The following ANKRD13C variants were observed in gnomAD, a reference collection of about 807,000 sequenced individuals.
ANKRD13C encodes the protein ankyrin repeat domain-containing protein 13C.
In ANKRD13C, 16 loss-of-function variants were observed where a neutral mutation model predicts 65.5. That is an observed-to-expected ratio of 0.24 (90% CI 0.17 to 0.37). ANKRD13C has a LOEUF of 0.37. Among genes scored for constraint, ANKRD13C ranks in the 10% least tolerant of loss-of-function variants. The pLI, the probability that ANKRD13C is intolerant of heterozygous loss-of-function variation, is 1.00. For missense variants in ANKRD13C, 503 were observed against 655.9 expected, an observed-to-expected ratio of 0.77 and a Z score of 2.55; for synonymous variants, 235 against 238.7, an observed-to-expected ratio of 0.98 and a Z score of 0.14.
intron 9 of ANKRD13C, among the ~76,000 whole-genome samples, chr1:70,278,969 G>A (rs1679261736): frequency 6.6e-6 from 1 of 152,104 alleles, no homozygotes. Flanking sequence ...GGGAGGCCAA[G>A]GCAGGTTGAT....
intron 1 of ANKRD13C, among the ~76,000 whole-genome samples, chr1:70,337,146 A>AACACACACACACAC (rs58715407): frequency 4.1e-5 from 6 of 145,350 alleles, no homozygotes; most frequent in East Asian, 2.0e-4. Flanking sequence ...CCATGATTCA[A>AACACACACACACAC]ACACACACAC....
chr1:70,264,021 G>GA (rs1302221334), intron 12 of ANKRD13C, among the ~76,000 whole-genome samples: 2 of 152,088 alleles, frequency 1.3e-5, no homozygotes, highest in Non-Finnish European at 2.9e-5. Context: ...ATTTCTGGGG[G>GA]AAAAAATTAT....
chr1:70,269,433 T>G (rs1204170288), intron 12 of ANKRD13C, among the ~76,000 whole-genome samples: 1 of 152,202 alleles, frequency 6.6e-6, no homozygotes, highest in Non-Finnish European at 1.5e-5. Context: ...TAACTCCTGT[T>G]CTCTATTCTG....
At position 70,354,522 on chromosome 1, in the gene ANKRD13C, G is replaced by T; in HGVS notation, c.-114C>A. The T allele has an allele frequency of 6.9e-7, 1 of 1,449,164 alleles. No individual in the cohort carries two copies. Among genetic ancestry groups the T allele is most frequent in the Non-Finnish European group, 9.0e-7 (1 of 1,106,528 alleles). 89.8% of individuals were successfully genotyped at this position (1,449,164 alleles called of 1,614,324 possible). The stretch of plus-strand genomic sequence containing the variant: ...TGGCCAAGAGCCTCCAGCGCAGCAT[G>T]AACTCCCACTGAGCCCCCGAGCCTG... On this transcript the variant is annotated 5_prime_UTR_variant, in exon 1 of 13. It introduces an in-frame stop codon into an upstream open reading frame of the 5' UTR. Coordinates refer to ENST00000370944, the MANE Select transcript of ANKRD13C (RefSeq NM_030816.5).
chr1:70,337,839 C>T (rs1682112379), intron 1 of ANKRD13C, among the ~76,000 whole-genome samples: 1 of 152,164 alleles, frequency 6.6e-6, no homozygotes, highest in African/African-American at 2.4e-5. Context: ...GTGGCTCACG[C>T]CTGTAATCCC....
chr1:70,301,848 C>T (rs1261763362), intron 6 of ANKRD13C, among the ~76,000 whole-genome samples: 1 of 152,178 alleles, frequency 6.6e-6, no homozygotes, highest in Non-Finnish European at 1.5e-5. Flanking sequence ...TATAAATCAC[C>T]AGATCAGGAT....
intron 2 of ANKRD13C, among the ~76,000 whole-genome samples, chr1:70,326,155 C>T (rs1311462683): frequency 2.2e-5 from 3 of 137,234 alleles, no homozygotes; most frequent in African/African-American, 8.1e-5. Context: ...CGCTTGAACC[C>T]GGGAGGTGGA....
At chr1:70,268,107 G>A (rs1678713134) in intron 12 of ANKRD13C, among the ~76,000 whole-genome samples, 1 of 152,038 alleles carries the variant, frequency 6.6e-6, no homozygotes, top group African/African-American at 2.4e-5. Context: ...CAACTGAGAG[G>A]AAAAATGCAG....
intron 9 of ANKRD13C, among the ~76,000 whole-genome samples, chr1:70,280,665 T>A (rs1679348510): frequency 6.6e-6 from 1 of 152,196 alleles, no homozygotes; most frequent in African/African-American, 2.4e-5. Flanking sequence ...CTCTTTTGCC[T>A]CAGTTCTGTC....
chr1:70,308,506 G>C (rs574031373), intron 5 of ANKRD13C, among the ~76,000 whole-genome samples: 1 of 151,766 alleles, frequency 6.6e-6, no homozygotes, highest in African/African-American at 2.4e-5. Flanking sequence ...TTGGGAGGCC[G>C]AGGCGGGCAG....
chr1:70,333,193 A>G (rs909891920), intron 2 of ANKRD13C, among the ~76,000 whole-genome samples: 2 of 152,208 alleles, frequency 1.3e-5, no homozygotes, highest in African/African-American at 4.8e-5. Context: ...GGAGATAATA[A>G]TAGTACTTCA....
intron 1 of ANKRD13C, among the ~76,000 whole-genome samples, chr1:70,345,829 C>T (rs1682505653): frequency 6.6e-6 from 1 of 152,108 alleles, no homozygotes; most frequent in African/African-American, 2.4e-5. Flanking sequence ...AGGTTTACTT[C>T]ATTATTTTCC....
chr1:70,349,742 C>T (rs771856152), intron 1 of ANKRD13C, among the ~76,000 whole-genome samples: 10 of 152,104 alleles, frequency 6.6e-5, no homozygotes, highest in Admixed American at 1.3e-4. Context: ...AATGTAATAG[C>T]TCTAAAGTCC....
intron 11 of ANKRD13C, among the ~76,000 whole-genome samples, chr1:70,272,316 C>A (rs889054168): frequency 4.6e-5 from 7 of 151,820 alleles, no homozygotes; most frequent in Non-Finnish European, 1.0e-4. Flanking sequence ...AACTCCGCCT[C>A]CCGGGTTCAA....
At chr1:70,307,111 A>G (rs1368536638) in intron 5 of ANKRD13C, among the ~76,000 whole-genome samples, 6 of 152,226 alleles carry the variant, frequency 3.9e-5, no homozygotes, top group Non-Finnish European at 5.9e-5. Flanking sequence ...ATATCTTACA[A>G]AATTTAGTGT....
chr1:70,330,961 T>C (rs1387818855), intron 2 of ANKRD13C, among the ~76,000 whole-genome samples: 1 of 152,198 alleles, frequency 6.6e-6, no homozygotes, highest in Non-Finnish European at 1.5e-5. Flanking sequence ...GTGACATTAC[T>C]AATATTAGTC....
In ANKRD13C at chr1:70,274,703, G is replaced by T; in HGVS notation, c.1394+17C>A. On this transcript the variant is annotated intron_variant, in intron 11 of 12. Transcript: ENST00000370944. ...ATAGTTTCTTTCATAAACATTTGTA[G>T]TTAGTAACAAACTTACAACTCTATC... 2 of 1,545,240 alleles carry T rather than the reference G, an allele frequency of 1.3e-6. No homozygotes were observed. Among genetic ancestry groups the T allele is most frequent in the Non-Finnish European group, 1.8e-6 (2 of 1,117,744 alleles).
At chr1:70,285,339 C>T (rs376719517) in intron 9 of ANKRD13C, among the ~76,000 whole-genome samples, 2 of 151,316 alleles carry the variant, frequency 1.3e-5, no homozygotes, top group East Asian at 2.0e-4. Flanking sequence ...ATTACAGGCA[C>T]GCACTACCAT....
At chr1:70,345,567 A>G (rs1251768384) in intron 1 of ANKRD13C, among the ~76,000 whole-genome samples, 4 of 148,250 alleles carry the variant, frequency 2.7e-5, no homozygotes, top group Non-Finnish European at 5.9e-5. Flanking sequence ...AACACCATGC[A>G]TTGATATTTG....
Sources: gnomAD v4.1 joint callset for allele counts (sites outside exome capture counted in the v4.1 genomes callset) on GRCh38, gnomAD v4.1.1 for gene constraint, MANE v1.5 for transcripts, NCBI Gene and HGNC (gene_info 2026-07-23, HGNC 2026-07-21) for gene names.